FBXW11: variants seen among roughly 807,000 people sequenced by gnomAD.
FBXW11 encodes F-box and WD repeat domain containing 11, also known as F-box/WD repeat-containing protein 11.
A neutral mutation model predicts 77.6 loss-of-function variants in FBXW11; 19 were observed. The ratio of observed to expected loss-of-function variants is 0.24; its 90% confidence interval spans 0.17 to 0.36. The LOEUF (loss-of-function observed/expected upper bound fraction) is 0.36. FBXW11 is among the 10% of genes least tolerant of loss of function. The pLI, the probability that FBXW11 is intolerant of heterozygous loss-of-function variation, is 1.00. For missense variants in FBXW11, 334 were observed against 704.2 expected (o/e 0.47, Z 5.95); for synonymous variants, 235 against 249.4 (o/e 0.94, Z 0.54).
At chr5:171,995,622 T>C (rs1765996436) in intron 1 of FBXW11, among the ~76,000 whole-genome samples, 1 of 151,792 alleles carries the variant, frequency 6.6e-6, no homozygotes, top group African/African-American at 2.4e-5. Context: ...GGCGTGGTGG[T>C]GGGCGCCTGT....
intron 2 of FBXW11, among the ~76,000 whole-genome samples, chr5:171,942,593 AGTTTAAGACCAGCCT>A (rs938405941): frequency 6.6e-6 from 1 of 152,176 alleles, no homozygotes; most frequent in African/African-American, 2.4e-5. Flanking sequence ...TGAGCCCAGG[AGTTTAAGACCAGCCT>A]GGGCAACACA....
chr5:171,885,621 C>G (rs764988812), intron 7 of FBXW11, among the ~76,000 whole-genome samples: 30 of 152,182 alleles, frequency 2.0e-4, no homozygotes, highest in Non-Finnish European at 3.4e-4. Flanking sequence ...CAAACCCACT[C>G]CCTTCTTTTA....
At chr5:171,900,535 T>C (rs1346616709) in intron 4 of FBXW11, among the ~76,000 whole-genome samples, 1 of 152,148 alleles carries the variant, frequency 6.6e-6, no homozygotes, top group African/African-American at 2.4e-5. Context: ...TTTGTGTTCA[T>C]TCCCATCTTA....
chr5:171,924,021 G>A (rs1443991069), intron 2 of FBXW11, among the ~76,000 whole-genome samples: 1 of 133,936 alleles, frequency 7.5e-6, no homozygotes, highest in Non-Finnish European at 1.5e-5. Flanking sequence ...CGCCTCCTGG[G>A]TTCAAGCAAT....
chr5:171,940,627 T>C (rs1581231468), intron 2 of FBXW11, among the ~76,000 whole-genome samples: 3 of 152,250 alleles, frequency 2.0e-5, no homozygotes, highest in South Asian at 2.1e-4. Flanking sequence ...CGGTGGCTCA[T>C]GTCTGTAATC....
intron 2 of FBXW11, among the ~76,000 whole-genome samples, chr5:171,945,816 A>G (rs184441388): frequency 7.9e-5 from 12 of 152,320 alleles, no homozygotes; most frequent in Admixed American, 1.3e-4. Context: ...TATTTTTACT[A>G]ACCTCATACT....
chr5:171,995,610 T>C (rs1348223285), intron 1 of FBXW11, among the ~76,000 whole-genome samples: 3 of 151,834 alleles, frequency 2.0e-5, no homozygotes, highest in African/African-American at 7.3e-5. Flanking sequence ...AAAAATTAGC[T>C]GGGCGTGGTG....
At position 171,924,542 on chromosome 5, in the gene FBXW11, G is replaced by A. The variant is rs535853552; in HGVS notation, c.148-10137C>T. On this transcript the variant is annotated intron_variant, in intron 2 of 13. Coordinates refer to ENST00000517395, the MANE Select transcript of FBXW11 (RefSeq NM_001378974.1). ...CGCCCTGCTCACCCTCTGGTTGTGA[G>A]CATAACCTCATTCTTCTTGGATGCG... 3.9e-5 allele frequency among the ~76,000 whole-genome samples: 6 copies of A among 152,192 alleles called. No homozygotes were observed. In the East Asian group the frequency reaches 1.2e-3, roughly 30 times the overall value.
At chr5:171,875,064 T>C (rs1757989103) in intron 9 of FBXW11, among the ~76,000 whole-genome samples, 1 of 152,102 alleles carries the variant, frequency 6.6e-6, no homozygotes, top group Admixed American at 6.5e-5. Context: ...TAGAAACAAC[T>C]AAAATGTCCA....
intron 1 of FBXW11, among the ~76,000 whole-genome samples, chr5:171,991,942 C>T (rs1252090711): frequency 1.3e-5 from 2 of 151,564 alleles, no homozygotes; most frequent in African/African-American, 4.9e-5. Context: ...TGGCAAAACC[C>T]TATCTCTACT....
At chr5:171,901,176 TCTTAC>T (rs1760092664) in intron 4 of FBXW11, among the ~76,000 whole-genome samples, 1 of 152,212 alleles carries the variant, frequency 6.6e-6, no homozygotes, top group South Asian at 2.1e-4. Context: ...AACTATCCTT[TCTTAC>T]ACTGTCTGTC....
chr5:171,951,565 T>TG (rs1763316929), intron 2 of FBXW11, among the ~76,000 whole-genome samples: 1 of 46,228 alleles, frequency 2.2e-5, no homozygotes, highest in Non-Finnish European at 9.9e-5. Flanking sequence ...AAAAAGTGGC[T>TG]ATTTTTTTTT....
In FBXW11 at chr5:172,006,612, A is replaced by C. The variant is rs976123460; in HGVS notation, c.-110T>G. ...CGGAGGCGGCTATCGCACCCACTCT[A>C]GCTGCCAGCCCGCCCGGGCCGCCGG... is the stretch of plus-strand genomic sequence containing the variant. On this transcript the variant is annotated 5_prime_UTR_variant, in exon 1 of 14. Transcript: ENST00000517395. The C allele has an allele frequency of 7.6e-7, 1 of 1,314,754 alleles. No individual in the cohort carries two copies. The highest frequency in any genetic ancestry group is 9.7e-7 in the Non-Finnish European group (1 of 1,030,714). 81.4% of individuals were successfully genotyped at this position (1,314,754 alleles called of 1,614,324 possible).
intron 1 of FBXW11, among the ~76,000 whole-genome samples, chr5:171,979,185 G>A (rs1297043971): frequency 6.6e-6 from 1 of 152,124 alleles, no homozygotes; most frequent in East Asian, 1.9e-4. Context: ...GCCAGTCATG[G>A]TGTTGCATGC....
intron 1 of FBXW11, among the ~76,000 whole-genome samples, chr5:172,002,326 A>AG (rs746312863): frequency 2.6e-5 from 4 of 152,162 alleles, no homozygotes; most frequent in Non-Finnish European, 5.9e-5. Flanking sequence ...AAGGATATCT[A>AG]ACCTACTGCA....
rs760146583 is a variant in FBXW11 at position 171,876,357 on chromosome 5, G to A, written c.1149C>T (p.His383=). 2 of 1,614,182 alleles carry A rather than the reference G, an allele frequency of 1.2e-6. No individual in the cohort carries two copies. Among genetic ancestry groups the A allele is most frequent in the Admixed American group, 3.3e-5 (2 of 60,020 alleles). ...AGTCTACTACATTGACGGCAGCCCGGTGGCCAACCAGGACACGGCGTAAAG... is the reference window on the plus strand; with the variant it reads ...AGTCTACTACATTGACGGCAGCCCGATGGCCAACCAGGACACGGCGTAAAG... ...DITLRRVLVG[H]RAAVNVVDFD... is the part of the protein sequence containing the mutation. Residue 383 remains histidine, a synonymous_variant, in exon 9 of 14, where the codon CAC becomes CAT. Transcript: ENST00000517395. The surrounding 1 kb of genome is among the most constrained non-coding windows in gnomAD (Gnocchi z 4.2).
chr5:171,964,472 C>G (rs533676599), intron 1 of FBXW11, among the ~76,000 whole-genome samples: 11 of 152,190 alleles, frequency 7.2e-5, no homozygotes, highest in Non-Finnish European at 1.3e-4. Context: ...GCTAGAGTCC[C>G]CATTCAGTTT....
At chr5:171,906,336 C>G (rs1379435135) in intron 4 of FBXW11, among the ~76,000 whole-genome samples, 4 of 152,094 alleles carry the variant, frequency 2.6e-5, no homozygotes, top group Non-Finnish European at 5.9e-5. Flanking sequence ...TCAACGGATG[C>G]CTTTCACTTG....
intron 1 of FBXW11, among the ~76,000 whole-genome samples, chr5:171,973,957 A>G (rs1297006225): frequency 6.6e-6 from 1 of 152,188 alleles, no homozygotes; most frequent in Non-Finnish European, 1.5e-5. Context: ...ATGTGTGTGT[A>G]TGTTTTTAAG....
Sources: gnomAD v4.1 joint callset for allele counts (sites outside exome capture counted in the v4.1 genomes callset) on GRCh38, gnomAD v4.1.1 for gene constraint, Gnocchi (gnomAD v3.1) non-coding constraint, MANE v1.5 for transcripts, NCBI Gene and HGNC (gene_info 2026-07-23, HGNC 2026-07-21) for gene names.